Variants in JARID2 observed in about 807,000 individuals in gnomAD.
JARID2 encodes jumonji and AT-rich interaction domain containing 2.
In JARID2, 21 loss-of-function variants were observed where a neutral mutation model predicts 125.6. The ratio of observed to expected loss-of-function variants is 0.17; its 90% CI spans 0.12 to 0.24. The LOEUF is 0.24. Ranked by LOEUF, JARID2 falls within the 10% of genes least tolerant of loss-of-function variation. The pLI is 1.00. For synonymous variants in JARID2, 736 were observed against 661.6 expected, an observed-to-expected ratio of 1.11 and a Z score of -1.73; for missense variants, 1,303 against 1,639.6, an observed-to-expected ratio of 0.79 and a Z score of 3.55.
chr6:15,329,264 C>T (rs555382012), intron 1 of JARID2, among the ~76,000 whole-genome samples: 1 of 151,746 alleles, frequency 6.6e-6, no homozygotes, highest in East Asian at 1.9e-4. Flanking sequence ...CCTTGGGACT[C>T]TGGCCTGGGA....
At chr6:15,449,823 G>A (rs1304703009) in intron 3 of JARID2, among the ~76,000 whole-genome samples, 1 of 152,044 alleles carries the variant, frequency 6.6e-6, no homozygotes, top group Non-Finnish European at 1.5e-5. Flanking sequence ...ATTAGACGGT[G>A]GTGTTTTCGA....
chr6:15,321,784 T>G (rs959857897), intron 1 of JARID2, among the ~76,000 whole-genome samples: 1 of 5,338 alleles, frequency 1.9e-4, no homozygotes, highest in African/African-American at 8.7e-4. Context: ...AGAATTCTTG[T>G]TTTTTTTTTT....
At chr6:15,479,178 A>G (rs561256698) in intron 5 of JARID2, among the ~76,000 whole-genome samples, 72 of 152,270 alleles carry the variant, frequency 4.7e-4, no homozygotes, top group Non-Finnish European at 8.4e-4. Context: ...TAACGCAAAC[A>G]TTTTAGAGTG....
At chr6:15,287,803 A>C (rs1761059880) in intron 1 of JARID2, among the ~76,000 whole-genome samples, 1 of 152,130 alleles carries the variant, frequency 6.6e-6, no homozygotes, top group Non-Finnish European at 1.5e-5. Context: ...CCATAGCTGC[A>C]CCCTCTACTC....
intron 2 of JARID2, among the ~76,000 whole-genome samples, chr6:15,377,771 A>G (rs1171325221): frequency 6.6e-6 from 1 of 151,498 alleles, no homozygotes; most frequent in African/African-American, 2.4e-5. Context: ...TGACGTTGTG[A>G]TCTACCTGCT....
intron 1 of JARID2, chr6:15,247,732 C>G: frequency 3.0e-6 from 3 of 985,294 alleles, no homozygotes; most frequent in Non-Finnish European, 3.6e-6. Flanking sequence ...AATGCCTCTT[C>G]AAGAGAGCTG....
chr6:15,493,627 A>G (rs548117814), intron 6 of JARID2, among the ~76,000 whole-genome samples: 1 of 152,240 alleles, frequency 6.6e-6, no homozygotes, highest in African/African-American at 2.4e-5. Context: ...CCCTTCCCCA[A>G]GGTCCTGGAT....
intron 1 of JARID2, among the ~76,000 whole-genome samples, chr6:15,354,303 C>T (rs890914150): frequency 9.9e-5 from 15 of 152,168 alleles, no homozygotes; most frequent in Non-Finnish European, 2.2e-4. Context: ...GAAAAGGGCA[C>T]GGTATTGGAT....
chr6:15,283,179 C>T lies in JARID2; in HGVS notation c.45+36595C>T, dbSNP rs563445237. On this transcript the variant is annotated intron_variant, in intron 1 of 17. Coordinates refer to ENST00000341776, the MANE Select transcript of JARID2 (RefSeq NM_004973.4). ...ATTTTTATTAGAGACGGGGTTTCAC[C>T]GTGTTAGCCAGGACGGTCTCGATCT... Among the ~76,000 whole-genome samples the T allele has an allele frequency of 2.9e-3, 427 of 148,706 alleles. 1 individual carries two copies. The highest frequency in any genetic ancestry group is 9.2e-3 in the African/African-American group (370 of 40,112).
chr6:15,424,324 T>G (rs539303863), intron 3 of JARID2, among the ~76,000 whole-genome samples: 2 of 152,114 alleles, frequency 1.3e-5, no homozygotes, highest in South Asian at 2.1e-4. Flanking sequence ...TGGAATTGAT[T>G]TACACCAGGA....
chr6:15,367,160 A>G (rs80165888), intron 1 of JARID2, among the ~76,000 whole-genome samples: 452 of 152,288 alleles, frequency 3.0e-3, no homozygotes, highest in Non-Finnish European at 5.1e-3. Context: ...TGAGTGTCTA[A>G]GGTAGTTTGC....
intron 1 of JARID2, among the ~76,000 whole-genome samples, chr6:15,366,250 G>C (rs1763969204): frequency 1.3e-5 from 2 of 152,068 alleles, no homozygotes; most frequent in South Asian, 4.2e-4. Flanking sequence ...CAGGATTCCA[G>C]TCATTTATCC....
At chr6:15,252,473 G>A (rs1445948566) in intron 1 of JARID2, among the ~76,000 whole-genome samples, 2 of 152,172 alleles carry the variant, frequency 1.3e-5, no homozygotes, top group Non-Finnish European at 1.5e-5. Context: ...AACATGTAAA[G>A]TGTGGATCAG....
intron 2 of JARID2, among the ~76,000 whole-genome samples, chr6:15,381,766 C>A (rs553465061): frequency 2.0e-5 from 3 of 152,248 alleles, no homozygotes; most frequent in African/African-American, 7.2e-5. Context: ...AAACTGAGAT[C>A]AAGTTGCTTA....
chr6:15,395,950 A>G (rs988527346), intron 2 of JARID2, among the ~76,000 whole-genome samples: 1 of 152,210 alleles, frequency 6.6e-6, no homozygotes. Flanking sequence ...GGCTTGAGCC[A>G]CCGCAGGTGG....
chr6:15,260,526 G>GT (rs146776152), intron 1 of JARID2, among the ~76,000 whole-genome samples: 3 of 152,200 alleles, frequency 2.0e-5, no homozygotes, highest in Non-Finnish European at 4.4e-5. Flanking sequence ...AAGTCTCATA[G>GT]TTGAAGAGGT....
chr6:15,279,051 A>C (rs979706200), intron 1 of JARID2, among the ~76,000 whole-genome samples: 1 of 151,928 alleles, frequency 6.6e-6, no homozygotes, highest in Non-Finnish European at 1.5e-5. Flanking sequence ...AGATCGCACC[A>C]CTGCACTTCA....
intron 1 of JARID2, among the ~76,000 whole-genome samples, chr6:15,269,958 T>C (rs569116201): frequency 2.0e-4 from 31 of 152,352 alleles, no homozygotes; most frequent in African/African-American, 7.2e-4. Context: ...AGTAATTATA[T>C]GCAGACATTG....
chr6:15,442,852 A>T (rs954701353), intron 3 of JARID2, among the ~76,000 whole-genome samples: 1 of 152,200 alleles, frequency 6.6e-6, no homozygotes, highest in Non-Finnish European at 1.5e-5. Flanking sequence ...TCAGGATGCC[A>T]TAGAAGATTT....
Sources: allele counts gnomAD v4.1 joint callset (sites outside exome capture counted in the v4.1 genomes callset), GRCh38; gene constraint gnomAD v4.1.1; transcripts MANE v1.5; gene names NCBI Gene and HGNC (gene_info 2026-07-23, HGNC 2026-07-21).